Variants in NCOR2 observed in about 807,000 individuals in gnomAD.
NCOR2 encodes the protein CTG repeat protein 26.
In NCOR2, 81 loss-of-function variants were observed where a neutral mutation model predicts 262.9. That is an observed-to-expected ratio of 0.31 (90% CI 0.26 to 0.37). The LOEUF is 0.37. NCOR2 is among the 10% of genes least tolerant of loss of function. NCOR2 has a pLI of 1.00. For synonymous variants in NCOR2, 1,659 were observed against 1,559.3 expected (o/e 1.06, Z -1.51); for missense variants, 3,385 against 3,621.4 (o/e 0.93, Z 1.68).
chr12:124,369,359 G>A lies in NCOR2; in HGVS notation c.2807+2663C>T, dbSNP rs541867036. 2.0e-3 allele frequency among the ~76,000 whole-genome samples: 299 copies of A among 152,162 alleles called. 2 individuals are homozygous for A. Among genetic ancestry groups the A allele is most frequent in the Admixed American group, 3.5e-3 (53 of 15,300 alleles). On this transcript the variant is annotated intron_variant, in intron 20 of 46. Transcript: ENST00000405201. The stretch of plus-strand genomic sequence containing the variant: ...TCTCCCAAAGTCACCGGGGCGGGGG[G>A]CCAGATGAGAGTCATCTTGCGTCCA...
intron 13 of NCOR2, among the ~76,000 whole-genome samples, chr12:124,405,758 G>T (rs1241635205): frequency 6.6e-6 from 1 of 152,174 alleles, no homozygotes; most frequent in Non-Finnish European, 1.5e-5. Flanking sequence ...GAGGAGCTGG[G>T]GGGACCCGGC....
intron 16 of NCOR2, among the ~76,000 whole-genome samples, chr12:124,397,154 G>A (rs1340983660): frequency 2.6e-5 from 4 of 152,220 alleles, no homozygotes; most frequent in Non-Finnish European, 5.9e-5. Context: ...GAGAGTGAGC[G>A]TGCCGTGGGA....
At chr12:124,450,754 C>A (rs1265007493) in intron 6 of NCOR2, among the ~76,000 whole-genome samples, 3 of 152,232 alleles carry the variant, frequency 2.0e-5, no homozygotes, top group Non-Finnish European at 2.9e-5. Context: ...GATGGAAGAA[C>A]CTTGCTTAGC....
intron 1 of NCOR2, among the ~76,000 whole-genome samples, chr12:124,511,679 A>C (rs1267971859): frequency 1.4e-4 from 21 of 152,120 alleles, no homozygotes; most frequent in Non-Finnish European, 1.5e-5. Flanking sequence ...GGTTCAAGCA[A>C]GGCGTCCTTC....
chr12:124,486,702 G>A (rs2047783021), intron 1 of NCOR2, 134 bp from the exon 4 acceptor site: 10 of 1,170,616 alleles, frequency 8.5e-6, no homozygotes, highest in Non-Finnish European at 1.0e-5. Context: ...CCCAAGTCCT[G>A]CAGGGAACCT....
At chr12:124,559,723 C>A (rs1001380874) in intron 1 of NCOR2, among the ~76,000 whole-genome samples, 1 of 152,124 alleles carries the variant, frequency 6.6e-6, no homozygotes, top group Non-Finnish European at 1.5e-5. Flanking sequence ...CAAACAAATC[C>A]AAAATCAGGA....
intron 1 of NCOR2, among the ~76,000 whole-genome samples, chr12:124,515,612 T>C (rs1170393725): frequency 6.6e-6 from 1 of 151,520 alleles, no homozygotes; most frequent in East Asian, 2.0e-4. Context: ...TGTCTGCATG[T>C]GAGTATGGGT....
exon 20 of NCOR2, chr12:124,372,586 G>A (rs1221329283): frequency 6.3e-7 from 1 of 1,598,296 alleles, no homozygotes; most frequent in Admixed American, 1.7e-5. Flanking sequence ...GATGCTCTCG[G>A]TGTCTGAGCT....
At chr12:124,476,613 G>A (rs186057160) in intron 3 of NCOR2, among the ~76,000 whole-genome samples, 8 of 152,298 alleles carry the variant, frequency 5.3e-5, no homozygotes, top group Admixed American at 1.3e-4. Flanking sequence ...TAAAAGCAGC[G>A]GCTGGCAACC....
Position 124,566,757 on chromosome 12 carries a change from G to T in NCOR2, c.-165+551C>A, listed in dbSNP as rs991069445. The stretch of plus-strand genomic sequence containing the variant: ...GGGACCAGGGGCGACTCTCCCGAGG[G>T]ACCCCGCCCAGCGCCCCGTGGCCCC... On this transcript the variant is annotated intron_variant, in intron 1 of 32. Transcript: ENST00000458234. This position sits in a 1 kb window ranked among gnomAD's most constrained non-coding sequence, Gnocchi z 4.3. Among the ~76,000 whole-genome samples the T allele has an allele frequency of 6.6e-6, 1 of 152,142 alleles. No homozygotes were observed. Among genetic ancestry groups the T allele is most frequent in the African/African-American group, 2.4e-5 (1 of 41,432 alleles).
At chr12:124,452,394 G>C (rs2045602226) in intron 6 of NCOR2, among the ~76,000 whole-genome samples, 1 of 152,188 alleles carries the variant, frequency 6.6e-6, no homozygotes, top group Admixed American at 6.5e-5. Flanking sequence ...GAAACAGATA[G>C]GCCCCAATTT....
In NCOR2 at chr12:124,443,675, G is replaced by A. The variant is rs1157437598; in HGVS notation, c.816-5679C>T. ...GTGCCACTACGCCCAGCTAATTTTC[G>A]TATTTTTAGTAGAGACGGGGTTTCA... On this transcript the variant is annotated intron_variant, in intron 7 of 46. Coordinates refer to ENST00000405201, the Ensembl canonical transcript of NCOR2. The surrounding 1 kb of genome is among the most constrained non-coding windows in gnomAD (Gnocchi z 4.4). 1.3e-5 allele frequency among the ~76,000 whole-genome samples: 2 copies of A among 151,902 alleles called. No homozygotes were observed. Among genetic ancestry groups the A allele is most frequent in the African/African-American group, 2.4e-5 (1 of 41,344 alleles).
At chr12:124,325,381 C>CCCCCCG in exon 47 of NCOR2, 2 of 380,678 alleles carry the variant, frequency 5.3e-6, no homozygotes, top group Non-Finnish European at 8.3e-6. Context: ...GACACCGCCC[C>CCCCCCG]CCCCCCCGCC....
intron 1 of NCOR2, among the ~76,000 whole-genome samples, chr12:124,532,984 CCTCTTTCCCCCACCTCCAAATCGCACTT>C (rs71092207): frequency 0.11 from 9,897 of 90,552 alleles, 1,077 homozygotes; most frequent in East Asian, 0.18. Context: ...AAATCCCACT[CCTCTTTCCCCCACCTCCAAATCGCACTT>C]CTCCTTCCCC....
intron 17 of NCOR2, among the ~76,000 whole-genome samples, chr12:124,382,942 G>T (rs1198836388): frequency 2.0e-5 from 3 of 152,180 alleles, no homozygotes; most frequent in Admixed American, 6.5e-5. Context: ...AGTATCCTTG[G>T]ACCCAGTCAC....
chr12:124,332,764 T>G (rs1250705319), intron 42 of NCOR2, among the ~76,000 whole-genome samples: 1 of 152,174 alleles, frequency 6.6e-6, no homozygotes, highest in Non-Finnish European at 1.5e-5. Flanking sequence ...TGGGTTCCGA[T>G]CATGCCCTTC....
At chr12:124,411,175 G>A (rs576556331) in intron 13 of NCOR2, among the ~76,000 whole-genome samples, 1 of 151,958 alleles carries the variant, frequency 6.6e-6, no homozygotes, top group Non-Finnish European at 1.5e-5. Context: ...AAACAGACGA[G>A]ACGTGGACAC....
At chr12:124,347,767 G>A (rs759475871) in intron 30 of NCOR2, 58 bp downstream of exon 32, 81 of 1,519,536 alleles carry the variant, frequency 5.3e-5, no homozygotes, top group South Asian at 7.2e-5. Flanking sequence ...TCCCTCCCGC[G>A]CCCTGCGTGA....
exon 47 of NCOR2, chr12:124,325,376 C>CGGG: frequency 1.9e-5 from 8 of 426,498 alleles, no homozygotes; most frequent in Non-Finnish European, 2.7e-5. Context: ...GACCTGACAC[C>CGGG]GCCCCCCCCC....
Sources: gnomAD v4.1 joint callset for allele counts (sites outside exome capture counted in the v4.1 genomes callset) on GRCh38, gnomAD v4.1.1 for gene constraint, Gnocchi (gnomAD v3.1) non-coding constraint, MANE v1.5 for transcripts, NCBI Gene and HGNC (gene_info 2026-07-23, HGNC 2026-07-21) for gene names.